Variants in RNF19A observed in about 807,000 individuals in gnomAD.
RNF19A encodes the protein ring finger protein 19A, RBR E3 ubiquitin protein ligase.
RNF19A carries 32 observed loss-of-function variants against 75.7 expected under a neutral mutation model. That is an observed-to-expected ratio of 0.42 (90% confidence interval 0.32 to 0.57). The LOEUF is 0.57. Among genes scored for constraint, RNF19A ranks in the 20% least tolerant of loss-of-function variants. The pLI, the probability that RNF19A is intolerant of heterozygous loss-of-function variation, is 0.10. For synonymous variants in RNF19A, 335 were observed against 345.2 expected, an observed-to-expected ratio of 0.97 and a Z score of 0.33; for missense variants, 782 against 1,036.3, an observed-to-expected ratio of 0.75 and a Z score of 3.37.
chr8:100,270,422 G>A lies in RNF19A; in HGVS notation c.884-409C>T, dbSNP rs868459748. On this transcript the variant is annotated intron_variant, in intron 3 of 9. Transcript: ENST00000341084. ...CCCTTAATTCAAATGTACACGTTCTGTACACTATTCCTTTAGTGAATGAAC... is the reference window on the plus strand; with the variant it reads ...CCCTTAATTCAAATGTACACGTTCTATACACTATTCCTTTAGTGAATGAAC... Among the ~76,000 whole-genome samples, 8 of 152,152 alleles carry A rather than the reference G, an allele frequency of 5.3e-5. No individual in the cohort carries two copies. The South Asian group carries it at 1.7e-3, about 32-fold the overall frequency.
rs1819688832 is a variant in RNF19A at position 100,261,071 on chromosome 8, CCTTAGA to C, written c.1682+465_1682+470del. ...GTGAAAAAATTGGCAGAATGTTATT[CCTTAGA>C]CTTAGAAATCTACCACCAAATTTTT... On this transcript the variant is annotated intron_variant, in intron 8 of 9. Transcript: ENST00000341084. This position sits in a 1 kb window ranked among gnomAD's most constrained non-coding sequence, Gnocchi z 4.4. Among the ~76,000 whole-genome samples the C allele has an allele frequency of 6.6e-6, 1 of 152,006 alleles. No homozygotes were observed. The highest frequency in any genetic ancestry group is 6.6e-5 in the Admixed American group (1 of 15,264).
At chr8:100,262,406 A>G (rs1336576942) in intron 7 of RNF19A, among the ~76,000 whole-genome samples, 1 of 152,222 alleles carries the variant, frequency 6.6e-6, no homozygotes, top group Non-Finnish European at 1.5e-5. Flanking sequence ...AAATGAAGTA[A>G]AACAGTGAGT....
chr8:100,285,527 T>C (rs79041835), intron 2 of RNF19A, among the ~76,000 whole-genome samples: 5,329 of 152,260 alleles, frequency 0.035, 281 homozygotes, highest in African/African-American at 0.1. Flanking sequence ...CAAGATAATA[T>C]ACAGCAATTA....
In RNF19A at chr8:100,331,038, A is replaced by G. The variant is rs1038332758; in HGVS notation, c.-243+5070T>C. 9.2e-5 allele frequency among the ~76,000 whole-genome samples: 14 copies of G among 152,272 alleles called. No individual in the cohort carries two copies. Among genetic ancestry groups the G allele is most frequent in the Admixed American group, 3.3e-4 (5 of 15,298 alleles). On this transcript the variant is annotated intron_variant, in intron 1 of 3. Coordinates refer to the RNF19A transcript ENST00000519527. This position sits in a 1 kb window ranked among gnomAD's most constrained non-coding sequence, Gnocchi z 5.2. ...CTTTCACATTGATACGTCCATTTCT[A>G]TCTATGGCTCCTCCACTTTTCTACC...
chr8:100,288,539 C>G (rs1230912190), intron 1 of RNF19A, among the ~76,000 whole-genome samples: 1 of 152,200 alleles, frequency 6.6e-6, no homozygotes, highest in East Asian at 1.9e-4. Context: ...TCAATGATTT[C>G]TCACTGCCTT....
At position 100,259,860 on chromosome 8, in the gene RNF19A, A is replaced by C; in HGVS notation, c.1820T>G (p.Leu607Trp). The change falls in exon 9 of 10, where the codon TTG becomes TGG. Residue 607 changes from leucine (L) to tryptophan (W), a missense_variant. Physicochemically the swap from Leu to Trp is moderately conservative, Grantham distance 61. This residue lies in a region of RNF19A where 442 missense variants were observed against 541.6 expected (regional missense o/e 0.82). Coordinates refer to ENST00000341084, the MANE Select transcript of RNF19A (RefSeq NM_183419.4). This position sits in a 1 kb window ranked among gnomAD's most constrained non-coding sequence, Gnocchi z 4.5. ...AGSILNSYIP[L>W]DKEGNSMEVQ... Reference sequence around the variant, plus strand: ...TTAACAGTTTTTTCCTTACTTGTCCAATGGGATGTAGGAATTCAGAATGGA... The same window carrying C: ...TTAACAGTTTTTTCCTTACTTGTCCCATGGGATGTAGGAATTCAGAATGGA... 6.2e-7 allele frequency: 1 copy of C among 1,610,698 alleles called. No individual in the cohort carries two copies. The highest frequency in any genetic ancestry group is 8.5e-7 in the Non-Finnish European group (1 of 1,178,798).
intron 1 of RNF19A, among the ~76,000 whole-genome samples, chr8:100,293,149 T>G (rs1586659198): frequency 6.6e-6 from 1 of 152,244 alleles, no homozygotes. Context: ...GCTCGCCTCC[T>G]GCTGCGTGGC....
upstream of RNF19A, among the ~76,000 whole-genome samples, chr8:100,312,683 G>A (rs1822318904): frequency 6.6e-6 from 1 of 152,094 alleles, no homozygotes; most frequent in African/African-American, 2.4e-5. Context: ...CGGCACTTTG[G>A]GAGGCTTAGG....
chr8:100,307,558 C>A (rs1415982353), intron 1 of RNF19A, among the ~76,000 whole-genome samples: 3 of 149,468 alleles, frequency 2.0e-5, no homozygotes, highest in Non-Finnish European at 4.4e-5. Flanking sequence ...AAAAAAAAAA[C>A]CGTGGTGGGG....
Position 100,288,127 on chromosome 8 carries a change from C to G in RNF19A, c.48G>C (p.Leu16=). Residue 16 remains leucine, a synonymous_variant, in exon 2 of 10, where the codon CTG becomes CTC. Transcript: ENST00000341084. Reference sequence around the variant, plus strand: ...TTGAGACAGGGTCAGTGTTTACACACAGCCCTTCATTATATTTAGAGATAA... The same window carrying G: ...TTGAGACAGGGTCAGTGTTTACACAGAGCCCTTCATTATATTTAGAGATAA... ...IGFISKYNEG[L]CVNTDPVSIL... is the part of the protein sequence containing the mutation. 3 of 1,613,348 alleles carry G rather than the reference C, an allele frequency of 1.9e-6. No individual in the cohort carries two copies. Among genetic ancestry groups the G allele is most frequent in the Non-Finnish European group, 2.5e-6 (3 of 1,179,764 alleles).
chr8:100,259,478 T>C lies in RNF19A; in HGVS notation c.1827-232A>G, dbSNP rs1819611495. On this transcript the variant is annotated intron_variant, in intron 9 of 9. Transcript: ENST00000341084. This position sits in a 1 kb window ranked among gnomAD's most constrained non-coding sequence, Gnocchi z 4.5. ...TTATTGCTTATGCTGTTCTAGACAC[T>C]ATGCTACCTTTTTTTAAAGAACAGC... Among the ~76,000 whole-genome samples, 1 of 152,232 alleles carries C rather than the reference T, an allele frequency of 6.6e-6. No homozygotes were observed. The highest frequency in any genetic ancestry group is 1.5e-5 in the Non-Finnish European group (1 of 68,032).
chr8:100,274,850 C>A, intron 3 of RNF19A, 103 bp downstream of exon 3: 1 of 886,936 alleles, frequency 1.1e-6, no homozygotes, highest in South Asian at 1.8e-5. Context: ...CTTAAAAACA[C>A]TTTCGGCAAG....
chr8:100,334,045 G>A (rs1245865081), intron 1 of RNF19A, among the ~76,000 whole-genome samples: 1 of 152,140 alleles, frequency 6.6e-6, no homozygotes, highest in Admixed American at 6.5e-5. Context: ...CCTACACCAT[G>A]CCTTTTCTTG....
intron 1 of RNF19A, among the ~76,000 whole-genome samples, chr8:100,327,637 C>G (rs912468220): frequency 2.0e-5 from 3 of 152,166 alleles, no homozygotes; most frequent in African/African-American, 7.2e-5. Flanking sequence ...TTATTGTGGT[C>G]ATAACCTGGG....
At chr8:100,310,304 C>T, upstream of RNF19A, 1 of 945,790 alleles carries the variant, frequency 1.1e-6, no homozygotes, top group Non-Finnish European at 1.3e-6. Flanking sequence ...CCGCTGCACC[C>T]GGGTGGCCCC....
rs1172163595 is a variant in RNF19A at position 100,275,010 on chromosome 8, G to T, written c.826C>A (p.Arg276Ser). Residue 276 changes from arginine (R) to serine (S), a missense_variant, in exon 3 of 10, where the codon CGT becomes AGT. Physicochemically the swap from Arg to Ser is moderately radical, Grantham distance 110. Transcript: ENST00000341084. This position sits in a 1 kb window ranked among gnomAD's most constrained non-coding sequence, Gnocchi z 4.3. ...GATGAAGAACGTATAGTTCTCAAAC[G>T]TAAGCTCTGGGCTCTCTCTTGTCGA... ...AARQERAQSL[R>S]LRTIRSSSIS... is the part of the protein sequence containing the mutation. The T allele has an allele frequency of 6.2e-7, 1 of 1,614,104 alleles. No individual in the cohort carries two copies. Among genetic ancestry groups the T allele is most frequent in the South Asian group, 1.1e-5 (1 of 91,080 alleles).
chr8:100,301,724 T>C (rs1821838021), intron 1 of RNF19A, among the ~76,000 whole-genome samples: 1 of 152,236 alleles, frequency 6.6e-6, no homozygotes, highest in South Asian at 2.1e-4. Context: ...TGCTCTTATA[T>C]ACAAGTTTAC....
rs559034103 is a variant in RNF19A at position 100,329,748 on chromosome 8, A to C, written c.-243+6360T>G. Among the ~76,000 whole-genome samples, 13 of 152,350 alleles carry C rather than the reference A, an allele frequency of 8.5e-5. No homozygotes were observed. The highest frequency in any genetic ancestry group is 2.9e-4 in the African/African-American group (12 of 41,584). On this transcript the variant is annotated intron_variant, in intron 1 of 3. Coordinates refer to the RNF19A transcript ENST00000519527. The surrounding 1 kb of genome is among the most constrained non-coding windows in gnomAD (Gnocchi z 4.3). The stretch of plus-strand genomic sequence containing the variant: ...GAAATGAAGTGTCTTCCAACACTTA[A>C]AGGATCGTCTGATGAAAGAAGAAGT...
chr8:100,304,231 G>T (rs958285332), intron 1 of RNF19A, among the ~76,000 whole-genome samples: 1 of 152,092 alleles, frequency 6.6e-6, no homozygotes, highest in Non-Finnish European at 1.5e-5. Flanking sequence ...CAAAGTGCTG[G>T]AATTACAAGC....
Sources: allele counts gnomAD v4.1 joint callset (sites outside exome capture counted in the v4.1 genomes callset), GRCh38; gene constraint gnomAD v4.1.1; regional missense constraint gnomAD v4.1.1; non-coding constraint Gnocchi (gnomAD v3.1); transcripts MANE v1.5; gene names NCBI Gene and HGNC (gene_info 2026-07-23, HGNC 2026-07-21).